The following VPS26B variants were observed in gnomAD, a reference collection of about 807,000 sequenced individuals.
The protein encoded by VPS26B is VPS26 retromer complex component B, also known as vacuolar protein sorting-associated protein 26B.
VPS26B carries 10 observed loss-of-function variants against 33.3 expected under a neutral mutation model. That is an observed-to-expected ratio of 0.30 (90% CI 0.19 to 0.51). VPS26B has a LOEUF of 0.51. Ranked by LOEUF, VPS26B falls within the 20% of genes least tolerant of loss-of-function variation. The pLI is 0.98. For synonymous variants in VPS26B, 190 were observed against 176.9 expected (o/e 1.07, Z -0.59); for missense variants, 317 against 452.7 (o/e 0.70, Z 2.72).
At chr11:134,241,237 A>T (rs1002968898) in intron 3 of VPS26B, among the ~76,000 whole-genome samples, 1 of 152,234 alleles carries the variant, frequency 6.6e-6, no homozygotes, top group East Asian at 1.9e-4. Context: ...CACCCCCTGG[A>T]CCACTGTCAT....
chr11:134,230,129 C>T (rs1003319339), intron 1 of VPS26B, among the ~76,000 whole-genome samples: 1 of 152,166 alleles, frequency 6.6e-6, no homozygotes, highest in Non-Finnish European at 1.5e-5. Flanking sequence ...CCAGAGGCCT[C>T]ATTAATACCT....
At position 134,245,222 on chromosome 11, in the gene VPS26B, C is replaced by A; in HGVS notation, c.864+142C>A. 7.4e-7 allele frequency: 1 copy of A among 1,358,890 alleles called. No individual in the cohort carries two copies. Among genetic ancestry groups the A allele is most frequent in the Non-Finnish European group, 9.9e-7 (1 of 1,015,196 alleles). The allele number at this position is 1,358,890 out of a possible 1,614,324, so 84.2% of individuals were successfully genotyped here. A position where few individuals can be genotyped will look rare whatever the true frequency, so the allele number is the denominator to read the frequency against. Reference sequence around the variant, plus strand: ...ATTGCACAACAAGAATGAGGATTCTCACCTGGCCTTAGAGTCTGCTTCCTC... The same window carrying A: ...ATTGCACAACAAGAATGAGGATTCTAACCTGGCCTTAGAGTCTGCTTCCTC... On this transcript the variant is annotated intron_variant, in intron 5 of 5. Coordinates refer to ENST00000281187, the MANE Select transcript of VPS26B (RefSeq NM_052875.5). The surrounding 1 kb of genome is among the most constrained non-coding windows in gnomAD (Gnocchi z 4.7).
chr11:134,226,467 G>A (rs975270825), intron 1 of VPS26B, among the ~76,000 whole-genome samples: 2 of 152,192 alleles, frequency 1.3e-5, no homozygotes, highest in Non-Finnish European at 2.9e-5. Context: ...ATGGTAAAGT[G>A]ATTTGGGGAG....
chr11:134,225,777 G>A (rs1389840244), intron 1 of VPS26B, among the ~76,000 whole-genome samples: 1 of 152,120 alleles, frequency 6.6e-6, no homozygotes, highest in African/African-American at 2.4e-5. Context: ...GCAACTGCCA[G>A]ACGCAAAGTG....
At position 134,230,995 on chromosome 11, in the gene VPS26B, A is replaced by G. The variant is rs571071656; in HGVS notation, c.224-3902A>G. Among the ~76,000 whole-genome samples, 4 of 152,328 alleles carry G rather than the reference A, an allele frequency of 2.6e-5. No individual in the cohort carries two copies. In the East Asian group the frequency reaches 7.7e-4, roughly 29 times the overall value. ...ATCCTACTGGCCCACGTCTTTAGGA[A>G]GATGCAGTAGTCTGTAAGGAGCACT... is the stretch of plus-strand genomic sequence containing the variant. On this transcript the variant is annotated intron_variant, in intron 1 of 5. Transcript: ENST00000281187.
chr11:134,242,541 C>T (rs543549204), intron 3 of VPS26B, among the ~76,000 whole-genome samples: 32 of 152,320 alleles, frequency 2.1e-4, no homozygotes, highest in African/African-American at 7.7e-4. Context: ...CCCTGAGGGT[C>T]AGGAAGTGTT....
chr11:134,231,961 G>A (rs1205732080), intron 1 of VPS26B, among the ~76,000 whole-genome samples: 1 of 152,244 alleles, frequency 6.6e-6, no homozygotes, highest in Admixed American at 6.5e-5. Context: ...AGCTCAGGGC[G>A]GCTGTCATGG....
chr11:134,238,326 C>T (rs1938664840), intron 2 of VPS26B, among the ~76,000 whole-genome samples: 1 of 152,084 alleles, frequency 6.6e-6, no homozygotes, highest in Non-Finnish European at 1.5e-5. Context: ...AGGAACAAAG[C>T]AGAGGAAGGA....
chr11:134,238,883 C>A (rs1042372582), intron 2 of VPS26B, among the ~76,000 whole-genome samples: 1 of 152,202 alleles, frequency 6.6e-6, no homozygotes, highest in Non-Finnish European at 1.5e-5. Flanking sequence ...GCGTGAACCA[C>A]CGCGCCTGGC....
intron 1 of VPS26B, among the ~76,000 whole-genome samples, chr11:134,229,867 C>T (rs1342470648): frequency 6.6e-6 from 1 of 152,164 alleles, no homozygotes; most frequent in Non-Finnish European, 1.5e-5. Context: ...TATCCAAATC[C>T]CTCCTGCTCT....
intron 1 of VPS26B, among the ~76,000 whole-genome samples, chr11:134,229,108 C>T (rs530711680): frequency 3.6e-4 from 55 of 152,336 alleles, no homozygotes; most frequent in African/African-American, 1.2e-3. Flanking sequence ...CAGCTCACTG[C>T]AGCCTCAACC....
chr11:134,238,807 G>A (rs1184256068), intron 2 of VPS26B, among the ~76,000 whole-genome samples: 1 of 151,918 alleles, frequency 6.6e-6, no homozygotes, highest in Non-Finnish European at 1.5e-5. Context: ...GTGTTAGCCA[G>A]GATGGTCTCG....
In VPS26B at chr11:134,240,784, TGTGTGTGTCC is replaced by T. The variant is rs1249638271; in HGVS notation, c.545+638_545+647del. 2.2e-5 allele frequency among the ~76,000 whole-genome samples: 3 copies of T among 134,080 alleles called. No homozygotes were observed. Among genetic ancestry groups the T allele is most frequent in the African/African-American group, 5.7e-5 (2 of 35,106 alleles). 88.0% of individuals were successfully genotyped at this position (134,080 alleles called of 152,430 possible). A position where few individuals can be genotyped will look rare whatever the true frequency, so the allele number is the denominator to read the frequency against. On this transcript the variant is annotated intron_variant, in intron 3 of 5. Coordinates refer to ENST00000281187, the MANE Select transcript of VPS26B (RefSeq NM_052875.5). This position sits in a 1 kb window ranked among gnomAD's most constrained non-coding sequence, Gnocchi z 4.4. The stretch of plus-strand genomic sequence containing the variant: ...CAGCTAATTTGTGTCCGTGTGTGTG[TGTGTGTGTCC>T]GTGTGTGTGTGTGTGTGTGTGTGTG...
intron 2 of VPS26B, chr11:134,235,517 G>A (rs1350948573): frequency 6.5e-6 from 1 of 153,066 alleles, no homozygotes; most frequent in African/African-American, 2.4e-5. Flanking sequence ...ATTCCTGAAA[G>A]TTCAACGTCA....
At chr11:134,236,985 A>G (rs1938642205) in intron 2 of VPS26B, among the ~76,000 whole-genome samples, 1 of 152,248 alleles carries the variant, frequency 6.6e-6, no homozygotes, top group Non-Finnish European at 1.5e-5. Context: ...TGCCACAATA[A>G]AAGAAAAGTG....
intron 1 of VPS26B, among the ~76,000 whole-genome samples, chr11:134,226,143 A>G (rs79840688): frequency 0.01 from 1,562 of 152,314 alleles, 15 homozygotes; most frequent in Middle Eastern, 0.061. Flanking sequence ...GCTGATGCCT[A>G]CAATCCCAGC....
intron 3 of VPS26B, among the ~76,000 whole-genome samples, chr11:134,242,629 T>C (rs1938747659): frequency 6.6e-6 from 1 of 151,984 alleles, no homozygotes; most frequent in Admixed American, 6.5e-5. Flanking sequence ...ATGCCGAGAG[T>C]GATTTGCTCT....
At chr11:134,235,185 C>A in intron 2 of VPS26B, 132 bp downstream of exon 2, 1 of 1,196,334 alleles carries the variant, frequency 8.4e-7, no homozygotes, top group Non-Finnish European at 1.1e-6. Flanking sequence ...CTGTGGCGTG[C>A]TGGTAAACCA....
chr11:134,242,553 C>T (rs1938746152), intron 3 of VPS26B, among the ~76,000 whole-genome samples: 1 of 152,234 alleles, frequency 6.6e-6, no homozygotes, highest in Non-Finnish European at 1.5e-5. Flanking sequence ...GGAAGTGTTA[C>T]CCAATGTGGC....
Sources: gnomAD v4.1 joint callset for allele counts (sites outside exome capture counted in the v4.1 genomes callset) on GRCh38, gnomAD v4.1.1 for gene constraint, Gnocchi (gnomAD v3.1) non-coding constraint, MANE v1.5 for transcripts, NCBI Gene and HGNC (gene_info 2026-07-23, HGNC 2026-07-21) for gene names.